The following ZC3H3 variants were observed in gnomAD, a reference collection of about 807,000 sequenced individuals.
ZC3H3 encodes the protein zinc finger CCCH-type containing 3.
In ZC3H3, 36 loss-of-function variants were observed where a neutral mutation model predicts 77.3. The ratio of observed to expected loss-of-function variants is 0.47; its 90% CI spans 0.36 to 0.61. ZC3H3 has a LOEUF of 0.61. Ranked by LOEUF, ZC3H3 falls within the 20% of genes least tolerant of loss-of-function variation. ZC3H3 has a pLI of 0.00. For synonymous variants in ZC3H3, 626 were observed against 555.2 expected (o/e 1.13, Z -1.79); for missense variants, 1,331 against 1,312.2 (o/e 1.01, Z -0.22).
At chr8:143,500,851 T>C (rs576893524) in intron 4 of ZC3H3, among the ~76,000 whole-genome samples, 4 of 151,348 alleles carry the variant, frequency 2.6e-5, no homozygotes, top group African/African-American at 9.7e-5. Context: ...TCTCACTCTG[T>C]TGCCCAGGCT....
intron 4 of ZC3H3, among the ~76,000 whole-genome samples, chr8:143,485,807 C>T (rs1821036356): frequency 6.6e-6 from 1 of 152,244 alleles, no homozygotes; most frequent in South Asian, 2.1e-4. Flanking sequence ...CCCAAAGAGG[C>T]CCTTTACAGT....
chr8:143,472,496 C>G (rs749209698), intron 5 of ZC3H3, among the ~76,000 whole-genome samples: 1 of 152,224 alleles, frequency 6.6e-6, no homozygotes, highest in Non-Finnish European at 1.5e-5. Flanking sequence ...TCCCTCTCCT[C>G]CCCACTGCTG....
intron 3 of ZC3H3, among the ~76,000 whole-genome samples, chr8:143,509,854 C>T (rs1421479196): frequency 2.0e-5 from 3 of 152,198 alleles, no homozygotes; most frequent in African/African-American, 4.8e-5. Context: ...GCTCCATTCC[C>T]GTCGCCAAAT....
At chr8:143,459,560 CA>C (rs1488429703) in intron 9 of ZC3H3, among the ~76,000 whole-genome samples, 1 of 151,520 alleles carries the variant, frequency 6.6e-6, no homozygotes, top group Non-Finnish European at 1.5e-5. Context: ...AAAAACAAAC[CA>C]AAAAAAGGAT....
At chr8:143,515,595 C>T (rs1421387556) in intron 3 of ZC3H3, among the ~76,000 whole-genome samples, 3 of 152,242 alleles carry the variant, frequency 2.0e-5, no homozygotes, top group Non-Finnish European at 4.4e-5. Context: ...CCAGCTCAGG[C>T]AGAACGTCCC....
intron 9 of ZC3H3, among the ~76,000 whole-genome samples, chr8:143,456,337 A>G (rs1004734018): frequency 2.0e-5 from 3 of 152,232 alleles, no homozygotes; most frequent in Non-Finnish European, 4.4e-5. Flanking sequence ...AATGTCCTAC[A>G]TATATCAACT....
At chr8:143,537,209 G>A (rs1250548011) in intron 2 of ZC3H3, among the ~76,000 whole-genome samples, 2 of 152,328 alleles carry the variant, frequency 1.3e-5, no homozygotes, top group East Asian at 1.9e-4. Flanking sequence ...TCACAAGTCC[G>A]CAAGGGTGGA....
At chr8:143,537,115 T>C (rs998451356) in intron 2 of ZC3H3, among the ~76,000 whole-genome samples, 4 of 152,046 alleles carry the variant, frequency 2.6e-5, no homozygotes, top group African/African-American at 9.7e-5. Flanking sequence ...GCCCAGCAGG[T>C]GCAGCCACCA....
chr8:143,534,543 C>T (rs1822730322), intron 3 of ZC3H3, among the ~76,000 whole-genome samples: 1 of 152,136 alleles, frequency 6.6e-6, no homozygotes, highest in Non-Finnish European at 1.5e-5. Flanking sequence ...GAACCTGCAC[C>T]CAGTGGGGAG....
In ZC3H3 at chr8:143,538,204, G is replaced by A; in HGVS notation, c.1163C>T (p.Ser388Phe). Residue 388 changes from serine to phenylalanine, a missense_variant, in exon 2 of 12, where the codon TCC becomes TTC. Physicochemically the swap from Ser to Phe is radical, Grantham distance 155. Transcript: ENST00000262577. ...CGACTGCCAACGGAAGGAGGAAGAG[G>A]AGGAGGCAGAGGGGCTGGAGGCCTT... ...KWKASSPSAS[S>F]SSSFRWQSEA... 1 of 1,612,968 alleles carries A rather than the reference G, an allele frequency of 6.2e-7. No individual in the cohort carries two copies. The highest frequency in any genetic ancestry group is 8.5e-7 in the Non-Finnish European group (1 of 1,179,970).
chr8:143,508,470 T>C (rs1821775483), intron 3 of ZC3H3, among the ~76,000 whole-genome samples: 1 of 152,174 alleles, frequency 6.6e-6, no homozygotes, highest in Non-Finnish European at 1.5e-5. Context: ...TTTTGCAGGG[T>C]GATAGACACG....
At chr8:143,456,120 C>G (rs1820112635) in intron 9 of ZC3H3, among the ~76,000 whole-genome samples, 1 of 151,638 alleles carries the variant, frequency 6.6e-6, no homozygotes, top group Non-Finnish European at 1.5e-5. Flanking sequence ...TGGAATGTAT[C>G]CCCCACAGAG....
At chr8:143,470,573 G>A (rs1820536039) in intron 5 of ZC3H3, among the ~76,000 whole-genome samples, 1 of 152,240 alleles carries the variant, frequency 6.6e-6, no homozygotes, top group South Asian at 2.1e-4. Flanking sequence ...TGTCGGCACT[G>A]CTGGTTCCCA....
chr8:143,467,106 G>A (rs948324283), intron 8 of ZC3H3, among the ~76,000 whole-genome samples: 14 of 152,188 alleles, frequency 9.2e-5, no homozygotes, highest in Non-Finnish European at 2.1e-4. Flanking sequence ...AGAGGGGAGA[G>A]GGGCTGGGGG....
chr8:143,472,318 G>C (rs897494808), intron 5 of ZC3H3, among the ~76,000 whole-genome samples: 3 of 152,260 alleles, frequency 2.0e-5, no homozygotes, highest in Admixed American at 2.0e-4. Flanking sequence ...AGTCAGCAAG[G>C]GTGGCCGGGA....
At position 143,539,334 on chromosome 8, in the gene ZC3H3, A is replaced by G; in HGVS notation, c.47-14T>C. 1 of 1,583,574 alleles carries G rather than the reference A, an allele frequency of 6.3e-7. No individual in the cohort carries two copies. Among genetic ancestry groups the G allele is most frequent in the South Asian group, 1.1e-5 (1 of 88,662 alleles). Reference sequence around the variant, plus strand: ...CATCAATCAGACCTGAGAAGACAGAACCACAGGCCCAGTTAGCCAGAGGGT... The same window carrying G: ...CATCAATCAGACCTGAGAAGACAGAGCCACAGGCCCAGTTAGCCAGAGGGT... On this transcript the variant is annotated splice_polypyrimidine_tract_variant and intron_variant, in intron 1 of 11. Coordinates refer to ENST00000262577, the MANE Select transcript of ZC3H3 (RefSeq NM_015117.3).
chr8:143,439,952 G>C (rs1586866609), intron 11 of ZC3H3, 89 bp downstream of exon 11: 1 of 1,041,282 alleles, frequency 9.6e-7, no homozygotes. Context: ...CTGAGGGGGG[G>C]GCCCTGGGGG....
chr8:143,538,840 G>A lies in ZC3H3; in HGVS notation c.527C>T (p.Pro176Leu), dbSNP rs1223263003. The A allele has an allele frequency of 1.2e-6, 2 of 1,612,180 alleles. No individual in the cohort carries two copies. Among genetic ancestry groups the A allele is most frequent in the Non-Finnish European group, 1.7e-6 (2 of 1,179,638 alleles). ...PPRGQLQPSRPTRARGTCSVE... is the reference protein window; with the variant it reads ...PPRGQLQPSRLTRARGTCSVE... ...ACTGCAGGTCCCCCTGGCTCTTGTT[G>A]GCCTCGAGGGCTGCAGCTGTCCCCG... Residue 176 changes from proline to leucine, a missense_variant, in exon 2 of 12, where the codon CCA becomes CTA. Transcript: ENST00000262577.
intron 3 of ZC3H3, among the ~76,000 whole-genome samples, chr8:143,527,748 C>A (rs979444778): frequency 6.6e-6 from 1 of 152,206 alleles, no homozygotes; most frequent in African/African-American, 2.4e-5. Context: ...TCACATACCC[C>A]AGAGGCACCA....
Sources: gnomAD v4.1 joint callset for allele counts (sites outside exome capture counted in the v4.1 genomes callset) on GRCh38, gnomAD v4.1.1 for gene constraint, MANE v1.5 for transcripts, NCBI Gene and HGNC (gene_info 2026-07-23, HGNC 2026-07-21) for gene names.